CREB5: variants seen among roughly 807,000 people sequenced by gnomAD.
CREB5 encodes the protein cyclic AMP-responsive element-binding protein 5.
In CREB5, 19 loss-of-function variants were observed where a neutral mutation model predicts 57.1. The ratio of observed to expected loss-of-function variants is 0.33; its 90% CI spans 0.23 to 0.49. The LOEUF (loss-of-function observed/expected upper bound fraction) is 0.49. CREB5 is among the 20% of genes least tolerant of loss of function. CREB5 has a pLI of 0.99. For missense variants in CREB5, 579 were observed against 671.6 expected, an observed-to-expected ratio of 0.86 and a Z score of 1.52; for synonymous variants, 238 against 238.3, an observed-to-expected ratio of 1.00 and a Z score of 0.01.
intron 4 of CREB5, among the ~76,000 whole-genome samples, chr7:28,527,266 T>A (rs1793488782): frequency 6.6e-6 from 1 of 152,246 alleles, no homozygotes; most frequent in South Asian, 2.1e-4. Context: ...CTTTTCTTGT[T>A]GTTACTGAAG....
chr7:28,645,179 G>A (rs958641018), intron 5 of CREB5, among the ~76,000 whole-genome samples: 1 of 152,152 alleles, frequency 6.6e-6, no homozygotes, highest in Non-Finnish European at 1.5e-5. Flanking sequence ...GAAAGATGAT[G>A]GCCAGCATTA....
intron 1 of CREB5, among the ~76,000 whole-genome samples, chr7:28,433,186 C>A (rs1788800213): frequency 1.3e-5 from 2 of 152,064 alleles, no homozygotes; most frequent in African/African-American, 4.8e-5. Context: ...AGGAATTATT[C>A]CAACGAGTAG....
chr7:28,421,376 A>C (rs1788238416), intron 1 of CREB5, among the ~76,000 whole-genome samples: 1 of 152,258 alleles, frequency 6.6e-6, no homozygotes, highest in South Asian at 2.1e-4. Flanking sequence ...CACATTTAAA[A>C]AATGTTTTAT....
intron 5 of CREB5, among the ~76,000 whole-genome samples, chr7:28,706,961 A>C (rs900629896): frequency 1.3e-5 from 2 of 152,280 alleles, no homozygotes; most frequent in South Asian, 2.1e-4. Flanking sequence ...TCTGTTAAGA[A>C]ACCTCTGTGG....
intron 1 of CREB5, among the ~76,000 whole-genome samples, chr7:28,474,836 G>A (rs1276147180): frequency 6.6e-6 from 1 of 152,130 alleles, no homozygotes; most frequent in East Asian, 1.9e-4. Flanking sequence ...TCCTACAGAG[G>A]CACTTAGTGG....
At chr7:28,409,837 C>A (rs1038319409), upstream of CREB5, 12 of 452,464 alleles carry the variant, frequency 2.7e-5, no homozygotes, top group Non-Finnish European at 4.0e-5. The surrounding 1 kb of genome is among the most constrained non-coding windows in gnomAD (Gnocchi z 4.4). Context: ...TGTGTGGGAG[C>A]GCGCGAGTCC....
chr7:28,480,316 G>C (rs1791270458), intron 1 of CREB5, among the ~76,000 whole-genome samples: 1 of 152,142 alleles, frequency 6.6e-6, no homozygotes, highest in Non-Finnish European at 1.5e-5. Context: ...CAAAAGGCAA[G>C]CTGCTTTCCA....
intron 7 of CREB5, among the ~76,000 whole-genome samples, chr7:28,761,575 A>T (rs1423753525): frequency 2.0e-5 from 3 of 152,164 alleles, no homozygotes; most frequent in Non-Finnish European, 4.4e-5. Context: ...TCAATTAAAG[A>T]TTTCTCTTTC....
Position 28,804,179 on chromosome 7 carries a change from T to C in CREB5, c.703-20T>C. ...GACTGACTTCAGTTGTTCTCTCTCCTCCCTTTTGTTCTGTTTCAGAGGTTG... is the reference window on the plus strand; with the variant it reads ...GACTGACTTCAGTTGTTCTCTCTCCCCCCTTTTGTTCTGTTTCAGAGGTTG... On this transcript the variant is annotated intron_variant, in intron 7 of 10. Transcript: ENST00000357727. 3 of 1,603,438 alleles carry C rather than the reference T, an allele frequency of 1.9e-6. No homozygotes were observed. The highest frequency in any genetic ancestry group is 2.6e-6 in the Non-Finnish European group (3 of 1,171,292).
intron 5 of CREB5, among the ~76,000 whole-genome samples, chr7:28,692,945 C>G (rs183625215): frequency 1.3e-5 from 2 of 152,342 alleles, no homozygotes; most frequent in Admixed American, 6.5e-5. Flanking sequence ...ATCTTTCCTT[C>G]CTGTACCTGC....
At chr7:28,799,276 T>C (rs1740070822) in intron 7 of CREB5, among the ~76,000 whole-genome samples, 2 of 152,222 alleles carry the variant, frequency 1.3e-5, no homozygotes, top group South Asian at 4.1e-4. Context: ...AAAGTCTTCA[T>C]CTCCACATCT....
rs868304528 is a variant in CREB5, at chr7:28,823,168, C to T, written c.*3889C>T. On this transcript the variant is annotated 3_prime_UTR_variant, in exon 11 of 11. Transcript: ENST00000357727. ...CCTTTGGCTGGGGAGTTTTAAGCCT[C>T]GGTAACTGCTATAAAACTAGCCATC... is the stretch of plus-strand genomic sequence containing the variant. 20 of 152,338 alleles carry T rather than the reference C, an allele frequency of 1.3e-4. No individual in the cohort carries two copies. The highest frequency in any genetic ancestry group is 2.8e-4 in the Non-Finnish European group (19 of 67,992). 9.4% of individuals were successfully genotyped at this position (152,338 alleles called of 1,614,324 possible). A position where few individuals can be genotyped will look rare whatever the true frequency, so the allele number is the denominator to read the frequency against.
intron 1 of CREB5, among the ~76,000 whole-genome samples, chr7:28,339,837 A>C (rs942394050): frequency 6.6e-6 from 1 of 152,162 alleles, no homozygotes; most frequent in Non-Finnish European, 1.5e-5. Context: ...CTGAGTGGAC[A>C]CTCAAACCAC....
At chr7:28,614,386 G>A (rs1439942897) in intron 5 of CREB5, among the ~76,000 whole-genome samples, 2 of 152,224 alleles carry the variant, frequency 1.3e-5, no homozygotes, top group Non-Finnish European at 2.9e-5. Context: ...CCTATAAATA[G>A]TTTAAAGATA....
chr7:28,392,633 A>G (rs1736985948), intron 1 of CREB5, among the ~76,000 whole-genome samples: 1 of 152,170 alleles, frequency 6.6e-6, no homozygotes, highest in South Asian at 2.1e-4. Context: ...CTGATGATAG[A>G]TCAATATTTC....
At chr7:28,540,643 T>G (rs1370433518) in intron 4 of CREB5, among the ~76,000 whole-genome samples, 1 of 152,206 alleles carries the variant, frequency 6.6e-6, no homozygotes, top group Admixed American at 6.5e-5. Flanking sequence ...CAAAATTCTG[T>G]GATTATATTA....
At chr7:28,489,049 C>T (rs1306911234) in intron 2 of CREB5, among the ~76,000 whole-genome samples, 1 of 152,196 alleles carries the variant, frequency 6.6e-6, no homozygotes, top group Non-Finnish European at 1.5e-5. Flanking sequence ...ACTCTTGACC[C>T]TTTGGGTGTC....
chr7:28,580,299 A>T (rs1436268435), intron 5 of CREB5, among the ~76,000 whole-genome samples: 18 of 151,996 alleles, frequency 1.2e-4, no homozygotes, highest in South Asian at 2.1e-4. Context: ...CCCAAATAAA[A>T]ATCTGATGAA....
intron 4 of CREB5, among the ~76,000 whole-genome samples, chr7:28,529,815 T>G (rs142144281): frequency 2.0e-5 from 3 of 152,320 alleles, no homozygotes; most frequent in African/African-American, 7.2e-5. Flanking sequence ...CAAGACATGC[T>G]CAGCTCCAAC....
Sources: gnomAD v4.1 joint callset for allele counts (sites outside exome capture counted in the v4.1 genomes callset) on GRCh38, gnomAD v4.1.1 for gene constraint, Gnocchi (gnomAD v3.1) non-coding constraint, MANE v1.5 for transcripts, NCBI Gene and HGNC (gene_info 2026-07-23, HGNC 2026-07-21) for gene names.